ADCY5: variants seen among roughly 807,000 people sequenced by gnomAD.
ADCY5 encodes adenylate cyclase 5.
A neutral mutation model predicts 119.7 loss-of-function variants in ADCY5; 30 were observed. The observed-to-expected ratio is 0.25, with a 90% CI of 0.19 to 0.34. The LOEUF (loss-of-function observed/expected upper bound fraction) is 0.34, where lower values mean the gene tolerates loss of function less well. Ranked by LOEUF, ADCY5 falls within the 10% of genes least tolerant of loss-of-function variation. ADCY5 has a pLI of 1.00. For synonymous variants in ADCY5, 753 were observed against 762.2 expected (o/e 0.99, Z 0.20); for missense variants, 1,324 against 1,775.2 (o/e 0.75, Z 4.57).
Position 123,352,571 on chromosome 3 carries a change from T to G in ADCY5, c.1145A>C (p.Asn382Thr), listed in dbSNP as rs770886606. The G allele has an allele frequency of 6.2e-7, 1 of 1,609,660 alleles. No individual in the cohort carries two copies. Among genetic ancestry groups the G allele is most frequent in the Non-Finnish European group, 8.5e-7 (1 of 1,177,224 alleles). The change falls in exon 2 of 21, where the codon AAT (asparagine) becomes ACT (threonine). Residue 382 changes from asparagine to threonine, a missense_variant. Around this residue, in one of 6 missense-constraint regions of ADCY5, gnomAD observed 585 missense variants for 569.9 expected, o/e 1.03. Transcript: ENST00000462833. The surrounding 1 kb of genome is among the most constrained non-coding windows in gnomAD (Gnocchi z 4.8). ...DQFLLKQLVSNVLIFSCTNIV... is the reference protein window; with the variant it reads ...DQFLLKQLVSTVLIFSCTNIV... ...GTTGGTGCAGGAGAAAATGAGAACA[T>G]TGGAGACAAGCTGCAGAGGGAGAGA... is the stretch of plus-strand genomic sequence containing the variant.
chr3:123,346,731 A>C (rs574562583), intron 3 of ADCY5, among the ~76,000 whole-genome samples: 2 of 152,146 alleles, frequency 1.3e-5, no homozygotes, highest in East Asian at 3.9e-4. Context: ...CAAGCCTCCA[A>C]AGAGTCCTCT....
chr3:123,409,697 G>C (rs987145083), intron 1 of ADCY5, among the ~76,000 whole-genome samples: 2 of 152,156 alleles, frequency 1.3e-5, no homozygotes, highest in Non-Finnish European at 1.5e-5. Context: ...TGGGAGCCCA[G>C]CAAGCTCTCC....
At chr3:123,394,919 T>C (rs1374676706) in intron 1 of ADCY5, among the ~76,000 whole-genome samples, 1 of 152,166 alleles carries the variant, frequency 6.6e-6, no homozygotes. Context: ...ATTATAATAA[T>C]AAATGCTGGC....
intron 1 of ADCY5, among the ~76,000 whole-genome samples, chr3:123,388,203 A>G (rs150245448): frequency 2.6e-5 from 4 of 152,332 alleles, no homozygotes; most frequent in African/African-American, 4.8e-5. Flanking sequence ...AGGCTGCGCA[A>G]TGGTCCAGAT....
chr3:123,445,032 T>C (rs1225919270), intron 1 of ADCY5, among the ~76,000 whole-genome samples: 2 of 152,052 alleles, frequency 1.3e-5, no homozygotes, highest in Non-Finnish European at 2.9e-5. Context: ...GTAAATCAAG[T>C]ACAAACAAAA....
At chr3:123,407,686 G>A (rs1165997339) in intron 1 of ADCY5, among the ~76,000 whole-genome samples, 1 of 150,146 alleles carries the variant, frequency 6.7e-6, no homozygotes, top group South Asian at 2.1e-4. Context: ...GCTTAAGCCA[G>A]GGAGATAAAG....
intron 1 of ADCY5, among the ~76,000 whole-genome samples, chr3:123,410,988 G>A (rs1352158832): frequency 1.3e-5 from 2 of 152,128 alleles, no homozygotes; most frequent in East Asian, 1.9e-4. Flanking sequence ...TACTGGATAC[G>A]GCCTAAATTC....
chr3:123,343,763 G>T (rs1207893525), intron 3 of ADCY5, among the ~76,000 whole-genome samples: 1 of 152,186 alleles, frequency 6.6e-6, no homozygotes, highest in Non-Finnish European at 1.5e-5. Context: ...GCAAGTGCTG[G>T]TATCTGGGGT....
At chr3:123,288,214 CA>C (rs1473321789) in intron 19 of ADCY5, among the ~76,000 whole-genome samples, 4 of 152,220 alleles carry the variant, frequency 2.6e-5, no homozygotes. Context: ...CAGGCTGCAA[CA>C]AAATGTCTCC....
rs1205030778 is a variant in ADCY5, at chr3:123,379,844, TC to T, written c.1135-27264del. Among the ~76,000 whole-genome samples the T allele has an allele frequency of 7.2e-5, 11 of 152,328 alleles. No homozygotes were observed. The East Asian group carries it at 2.1e-3, about 29-fold the overall frequency. The stretch of plus-strand genomic sequence containing the variant: ...AAGGCTTCTGGAATGGCATTTCTCT[TC>T]TTGTTAGCTAATACACAGGTTTCTA... On this transcript the variant is annotated intron_variant, in intron 1 of 20. Transcript: ENST00000462833.
At chr3:123,318,266 C>T (rs1261657334) in intron 10 of ADCY5, 149 bp from the exon 11 acceptor site, 6 of 608,776 alleles carry the variant, frequency 9.9e-6, no homozygotes, top group African/African-American at 1.8e-5. Context: ...GAACCAGAGT[C>T]AAACTTAGAC....
intron 1 of ADCY5, among the ~76,000 whole-genome samples, chr3:123,424,652 T>C (rs1242794597): frequency 4.6e-5 from 7 of 152,148 alleles, no homozygotes; most frequent in African/African-American, 1.7e-4. Flanking sequence ...CCTCCAGCCT[T>C]ACCCAGAATG....
chr3:123,298,550 C>T (rs1939653775), intron 15 of ADCY5, among the ~76,000 whole-genome samples: 1 of 152,192 alleles, frequency 6.6e-6, no homozygotes, highest in Non-Finnish European at 1.5e-5. Context: ...ATAGCCCCCA[C>T]ACAACCACCA....
chr3:123,346,647 G>A (rs1025642771), intron 3 of ADCY5, among the ~76,000 whole-genome samples: 6 of 95,788 alleles, frequency 6.3e-5, no homozygotes, highest in African/African-American at 1.5e-4. Flanking sequence ...CTCTCTGTGT[G>A]TATGTGTGTG....
At position 123,416,437 on chromosome 3, in the gene ADCY5, G is replaced by C. The variant is rs186981857; in HGVS notation, c.1134+30975C>G. On this transcript the variant is annotated intron_variant, in intron 1 of 20. Transcript: ENST00000462833. ...CCTCCCAAAGGGCCTCCCTGTCTCT[G>C]ATTTGACTAGAAAGGAGGGAGGAGG... The C allele has an allele frequency of 2.7e-6, 3 of 1,124,932 alleles. No homozygotes were observed. The Admixed American group carries it at 8.1e-5, about 31-fold the overall frequency. 69.7% of individuals were successfully genotyped at this position (1,124,932 alleles called of 1,614,324 possible).
At chr3:123,298,382 G>A (rs1038965114) in intron 15 of ADCY5, among the ~76,000 whole-genome samples, 3 of 152,156 alleles carry the variant, frequency 2.0e-5, no homozygotes, top group Non-Finnish European at 2.9e-5. Context: ...GCCTGAAGAG[G>A]AGATGCTGAG....
chr3:123,356,581 G>T (rs1943046165), intron 1 of ADCY5, among the ~76,000 whole-genome samples: 1 of 152,134 alleles, frequency 6.6e-6, no homozygotes, highest in African/African-American at 2.4e-5. Context: ...TGGTTCAGAG[G>T]CCTAACTGCA....
intron 1 of ADCY5, among the ~76,000 whole-genome samples, chr3:123,421,904 C>T (rs907944057): frequency 1.3e-5 from 2 of 152,196 alleles, no homozygotes; most frequent in Non-Finnish European, 2.9e-5. Flanking sequence ...CCCTGGTGTG[C>T]TAACCACAGC....
chr3:123,326,870 C>G (rs139769559), intron 7 of ADCY5, among the ~76,000 whole-genome samples: 127 of 152,310 alleles, frequency 8.3e-4, no homozygotes, highest in Non-Finnish European at 1.4e-3. Context: ...TGCTGTCATC[C>G]AAGACTCTCT....
Sources: allele counts gnomAD v4.1 joint callset (sites outside exome capture counted in the v4.1 genomes callset), GRCh38; gene constraint gnomAD v4.1.1; regional missense constraint gnomAD v4.1.1; non-coding constraint Gnocchi (gnomAD v3.1); transcripts MANE v1.5; gene names NCBI Gene and HGNC (gene_info 2026-07-23, HGNC 2026-07-21).